The following TRDN variants were observed in gnomAD, a reference collection of about 807,000 sequenced individuals.
TRDN encodes triadin in skeletal muscle.
In TRDN, 161 loss-of-function variants were observed where a neutral mutation model predicts 149.7. The ratio of observed to expected loss-of-function variants is 1.08; its 90% CI spans 0.95 to 1.23. The LOEUF is 1.23. Ranked by LOEUF, TRDN falls within the 50% of genes most tolerant of loss-of-function variation. The pLI is 0.00. For missense variants in TRDN, 896 were observed against 823.5 expected (o/e 1.09, Z -1.08); for synonymous variants, 294 against 250.5 (o/e 1.17, Z -1.64).
chr6:123,587,967 CA>C (rs1394698384), intron 1 of TRDN, among the ~76,000 whole-genome samples: 1 of 152,114 alleles, frequency 6.6e-6, no homozygotes, highest in African/African-American at 2.4e-5. Context: ...GTGCAGGTCA[CA>C]GGGGATATGA....
chr6:123,431,070 A>T (rs1774320137), intron 12 of TRDN, among the ~76,000 whole-genome samples: 1 of 152,218 alleles, frequency 6.6e-6, no homozygotes, highest in African/African-American at 2.4e-5. Flanking sequence ...AAGTTCCATG[A>T]TTATAAAACA....
In TRDN at chr6:123,374,550, AT is replaced by A. The variant is rs747015611; in HGVS notation, c.1273+1054del. Among the ~76,000 whole-genome samples the A allele has an allele frequency of 5.6e-4, 85 of 152,252 alleles. No individual in the cohort carries two copies. The Middle Eastern group carries it at 0.01, about 18-fold the overall frequency. On this transcript the variant is annotated intron_variant, in intron 19 of 40. Coordinates refer to ENST00000334268, the MANE Select transcript of TRDN (RefSeq NM_006073.4). The stretch of plus-strand genomic sequence containing the variant: ...CTCTCTTGTAAAGTTCTCAATGTCT[AT>A]GTGTATACTTCAAACTGTAACTTTT...
chr6:123,366,167 T>G lies in TRDN; in HGVS notation c.1289A>C (p.Lys430Thr). ...KQVKAKTERA[K>T]EEIGAVSIKK... ...AATTGAAACCGCACCAATCTCCTCT[T>G]TGGCTCGTTCAGTTTCTGCAAGTTC... Residue 430 changes from lysine to threonine, a missense_variant, in exon 20 of 41, where the codon AAA becomes ACA. Transcript: ENST00000334268. The G allele has an allele frequency of 6.2e-7, 1 of 1,613,056 alleles. No homozygotes were observed. Among genetic ancestry groups the G allele is most frequent in the Non-Finnish European group, 8.5e-7 (1 of 1,179,308 alleles).
At chr6:123,275,374 A>G (rs1777336751) in intron 26 of TRDN, among the ~76,000 whole-genome samples, 1 of 152,158 alleles carries the variant, frequency 6.6e-6, no homozygotes, top group African/African-American at 2.4e-5. Context: ...TTGAAGTCAT[A>G]TATCTTCACA....
intron 2 of TRDN, among the ~76,000 whole-genome samples, chr6:123,562,430 T>G (rs1392748749): frequency 6.6e-6 from 1 of 152,178 alleles, no homozygotes; most frequent in Non-Finnish European, 1.5e-5. Context: ...ACAGAATTAG[T>G]GCCCTTATAA....
At chr6:123,465,164 C>T (rs566732872) in intron 9 of TRDN, among the ~76,000 whole-genome samples, 181 bp from the exon 10 acceptor site, 7 of 152,178 alleles carry the variant, frequency 4.6e-5, no homozygotes, top group African/African-American at 7.2e-5. Context: ...GACACCTTCG[C>T]GGATTCAGTT....
intron 21 of TRDN, chr6:123,352,247 C>G (rs1257806596): frequency 1.0e-6 from 1 of 984,596 alleles, no homozygotes; most frequent in Non-Finnish European, 1.2e-6. Context: ...TACCAGTTAC[C>G]CTGGATCATT....
At chr6:123,465,987 C>T (rs560652363) in intron 9 of TRDN, among the ~76,000 whole-genome samples, 2 of 152,164 alleles carry the variant, frequency 1.3e-5, no homozygotes, top group African/African-American at 2.4e-5. Flanking sequence ...CACCACATTT[C>T]GGGCCTAGGC....
At chr6:123,482,781 T>C (rs1777802344) in intron 9 of TRDN, among the ~76,000 whole-genome samples, 1 of 152,176 alleles carries the variant, frequency 6.6e-6, no homozygotes, top group African/African-American at 2.4e-5. Context: ...AAGTCTTTTC[T>C]ACTAAACAAG....
chr6:123,270,877 T>A (rs1777183547), intron 30 of TRDN, among the ~76,000 whole-genome samples: 1 of 152,028 alleles, frequency 6.6e-6, no homozygotes, highest in Non-Finnish European at 1.5e-5. Context: ...ATATAGATTT[T>A]CTCATGAATT....
chr6:123,298,385 TTAC>T (rs1778284370), intron 24 of TRDN, among the ~76,000 whole-genome samples: 1 of 152,028 alleles, frequency 6.6e-6, no homozygotes, highest in Non-Finnish European at 1.5e-5. Context: ...CCATGCCCAT[TTAC>T]TAAGACTCAG....
At chr6:123,430,040 C>T (rs918283927) in intron 12 of TRDN, among the ~76,000 whole-genome samples, 2 of 152,034 alleles carry the variant, frequency 1.3e-5, no homozygotes, top group African/African-American at 4.8e-5. Flanking sequence ...GAGATGCAGG[C>T]AGGAAGATCA....
At chr6:123,613,503 A>G (rs2114686382) in intron 1 of TRDN, among the ~76,000 whole-genome samples, 1 of 152,262 alleles carries the variant, frequency 6.6e-6, no homozygotes, top group African/African-American at 2.4e-5. Context: ...AATGAACTCA[A>G]TTATTCAGAG....
intron 1 of TRDN, among the ~76,000 whole-genome samples, chr6:123,612,375 G>A (rs11962948): frequency 6.6e-6 from 1 of 151,222 alleles, no homozygotes; most frequent in East Asian, 1.9e-4. Flanking sequence ...AAACCTGCAC[G>A]TTGTGCACAT....
intron 16 of TRDN, among the ~76,000 whole-genome samples, chr6:123,378,125 G>C (rs1781579255): frequency 6.6e-6 from 1 of 152,076 alleles, no homozygotes; most frequent in East Asian, 1.9e-4. Flanking sequence ...CTGAATATTA[G>C]AGGAATTTGA....
intron 9 of TRDN, chr6:123,470,028 T>G (rs1411160978): frequency 6.6e-6 from 1 of 152,178 alleles, no homozygotes; most frequent in African/African-American, 2.4e-5. Flanking sequence ...CTTTTAAAAT[T>G]TATGATGCTA....
intron 39 of TRDN, among the ~76,000 whole-genome samples, chr6:123,223,207 T>C (rs1297515153): frequency 6.6e-6 from 1 of 151,782 alleles, no homozygotes; most frequent in Non-Finnish European, 1.5e-5. Flanking sequence ...ATATACAGCA[T>C]GTTCTCACTT....
chr6:123,230,988 G>A (rs1775578021), intron 38 of TRDN, among the ~76,000 whole-genome samples: 1 of 151,866 alleles, frequency 6.6e-6, no homozygotes, highest in African/African-American at 2.4e-5. Flanking sequence ...GAATTATGGG[G>A]AAAATATCTG....
chr6:123,229,279 C>T (rs998598670), intron 38 of TRDN, among the ~76,000 whole-genome samples: 2 of 151,854 alleles, frequency 1.3e-5, no homozygotes, highest in Non-Finnish European at 2.9e-5. Flanking sequence ...ATTGGGCCTA[C>T]TGACACAAGG....
Sources: allele counts gnomAD v4.1 joint callset (sites outside exome capture counted in the v4.1 genomes callset), GRCh38; gene constraint gnomAD v4.1.1; transcripts MANE v1.5; gene names NCBI Gene and HGNC (gene_info 2026-07-23, HGNC 2026-07-21).